Variants in DYM observed in about 807,000 individuals in gnomAD.
The protein encoded by DYM is dymeclin.
Under a neutral mutation model 93.1 loss-of-function variants are expected in DYM, and 78 were observed. The observed-to-expected ratio is 0.84, with a 90% CI of 0.70 to 1.01. DYM has a LOEUF of 1.01. Ranked by LOEUF, DYM falls within the 50% of genes least tolerant of loss-of-function variation. The pLI is 0.00. For missense variants in DYM, 789 were observed against 845.0 expected (o/e 0.93, Z 0.82); for synonymous variants, 321 against 319.7 (o/e 1.00, Z -0.04).
At chr18:49,081,356 C>T (rs1473024315) in intron 17 of DYM, among the ~76,000 whole-genome samples, 2 of 151,794 alleles carry the variant, frequency 1.3e-5, no homozygotes, top group Admixed American at 6.6e-5. Flanking sequence ...GTACGAAAAC[C>T]AGTCAGGCGT....
At chr18:49,080,130 T>A in intron 17 of DYM, among the ~76,000 whole-genome samples, 1 of 23,892 alleles carries the variant, frequency 4.2e-5, no homozygotes, top group African/African-American at 2.0e-4. Flanking sequence ...CCCACCTCCC[T>A]CCCGGACGGG....
At chr18:49,326,645 G>C (rs936095467) in intron 8 of DYM, among the ~76,000 whole-genome samples, 18 of 152,188 alleles carry the variant, frequency 1.2e-4, no homozygotes, top group African/African-American at 4.3e-4. Flanking sequence ...ACAGAAGGAA[G>C]AGAGGTGGAT....
chr18:49,189,726 G>A lies in DYM; in HGVS notation c.1625+19825C>T, dbSNP rs1342386219. On this transcript the variant is annotated intron_variant, in intron 14 of 17. Coordinates refer to ENST00000675505, the MANE Select transcript of DYM (RefSeq NM_001353214.3). ...TTACTGTATATAGAGTCAATGCACAGGTTATTAATATCAGTAATAAAGCCA... is the reference window on the plus strand; with the variant it reads ...TTACTGTATATAGAGTCAATGCACAAGTTATTAATATCAGTAATAAAGCCA... Among the ~76,000 whole-genome samples the A allele has an allele frequency of 2.0e-5, 3 of 152,112 alleles. No homozygotes were observed. The East Asian group carries it at 5.8e-4, about 29-fold the overall frequency.
At chr18:49,419,792 T>G (rs553560021) in intron 2 of DYM, among the ~76,000 whole-genome samples, 1 of 152,242 alleles carries the variant, frequency 6.6e-6, no homozygotes, top group Non-Finnish European at 1.5e-5. Flanking sequence ...TTTAGTTAAG[T>G]CTACTTTAGT....
intron 17 of DYM, among the ~76,000 whole-genome samples, chr18:49,086,422 T>A (rs2078531933): frequency 6.6e-6 from 1 of 152,122 alleles, no homozygotes; most frequent in Non-Finnish European, 1.5e-5. Flanking sequence ...ATTAATCTAG[T>A]CACAAGAGCA....
chr18:49,074,669 G>A (rs1988261723), intron 17 of DYM, among the ~76,000 whole-genome samples: 1 of 152,168 alleles, frequency 6.6e-6, no homozygotes, highest in African/African-American at 2.4e-5. Flanking sequence ...GTTATTTAGA[G>A]GATACTCATC....
chr18:49,420,725 A>G (rs2073587252), intron 2 of DYM, among the ~76,000 whole-genome samples: 1 of 152,078 alleles, frequency 6.6e-6, no homozygotes, highest in Admixed American at 6.5e-5. Flanking sequence ...GCAAGGCATC[A>G]CCTCACCAGG....
In DYM at chr18:49,041,035, G is replaced by C. The variant is rs2143990032; in HGVS notation, c.*3020C>G. ...GCTTTCCTTCCAGAGAGAACTGTGT[G>C]TGCAGTGTACTTTCTATGCTTCACC... On this transcript the variant is annotated 3_prime_UTR_variant, in exon 18 of 18. Transcript: ENST00000675505. Among the ~76,000 whole-genome samples, 1 of 152,272 alleles carries C rather than the reference G, an allele frequency of 6.6e-6. No individual in the cohort carries two copies. The highest frequency in any genetic ancestry group is 1.9e-4 in the East Asian group (1 of 5,190).
chr18:49,096,706 T>C (rs530439199), intron 17 of DYM, among the ~76,000 whole-genome samples: 60 of 152,334 alleles, frequency 3.9e-4, no homozygotes, highest in Non-Finnish European at 1.3e-4. Flanking sequence ...GTGAGACTGC[T>C]TCAGGAATAC....
At chr18:49,236,715 T>C (rs906147539) in intron 13 of DYM, among the ~76,000 whole-genome samples, 2 of 151,868 alleles carry the variant, frequency 1.3e-5, no homozygotes. Flanking sequence ...CGTAAGTAAA[T>C]AGGAAAATGT....
intron 13 of DYM, among the ~76,000 whole-genome samples, chr18:49,249,359 T>C (rs192808972): frequency 5.3e-4 from 81 of 152,262 alleles, no homozygotes; most frequent in African/African-American, 1.9e-3. Context: ...ATATATTATG[T>C]TATTACATAT....
In DYM at chr18:49,282,167, G is replaced by A; in HGVS notation, c.955C>T (p.Pro319Ser). ...MSFKNTQDSS[P>S]FPSSIPHAFQ... is the part of the protein sequence containing the mutation. ...GCATGTGGAATTGATGAGGGGAAAG[G>A]ACTGCTATCTGGAATACAGAAAACA... The change falls in exon 10 of 18, where the codon CCT becomes TCT. Residue 319 changes from proline to serine, a missense_variant. Transcript: ENST00000675505. 1.2e-6 allele frequency: 2 copies of A among 1,613,704 alleles called. No individual in the cohort carries two copies. Among genetic ancestry groups the A allele is most frequent in the Non-Finnish European group, 1.7e-6 (2 of 1,179,732 alleles).
intron 8 of DYM, among the ~76,000 whole-genome samples, chr18:49,301,444 C>T (rs1307463861): frequency 6.6e-6 from 1 of 151,434 alleles, no homozygotes; most frequent in Non-Finnish European, 1.5e-5. Flanking sequence ...TGGCATGAAC[C>T]CGGGAGGCGG....
chr18:49,104,654 A>C (rs1193485614), intron 16 of DYM, among the ~76,000 whole-genome samples: 1 of 152,198 alleles, frequency 6.6e-6, no homozygotes, highest in Non-Finnish European at 1.5e-5. Context: ...CCTTTTATGC[A>C]TCTATTGAGA....
chr18:49,323,890 G>T (rs2062690458), intron 8 of DYM, among the ~76,000 whole-genome samples: 1 of 152,148 alleles, frequency 6.6e-6, no homozygotes, highest in South Asian at 2.1e-4. Context: ...GCTGATGCCT[G>T]TAATTCCAGC....
At chr18:49,375,885 C>A (rs990511887) in intron 5 of DYM, among the ~76,000 whole-genome samples, 4 of 152,146 alleles carry the variant, frequency 2.6e-5, no homozygotes, top group African/African-American at 9.7e-5. Flanking sequence ...AGTCTCCTGG[C>A]CTTCATCTTT....
intron 10 of DYM, among the ~76,000 whole-genome samples, chr18:49,278,699 C>T (rs1240302609): frequency 6.6e-6 from 1 of 152,048 alleles, no homozygotes; most frequent in Admixed American, 6.6e-5. Context: ...GGCCACCTGC[C>T]TCCCCACTTG....
chr18:49,242,881 T>C (rs753839106), intron 13 of DYM, among the ~76,000 whole-genome samples: 13 of 152,210 alleles, frequency 8.5e-5, no homozygotes, highest in Non-Finnish European at 1.5e-4. Context: ...TTTGTATTTT[T>C]AGTAGAGACG....
chr18:49,128,342 C>G (rs961529178), intron 15 of DYM, among the ~76,000 whole-genome samples: 2 of 152,184 alleles, frequency 1.3e-5, no homozygotes, highest in Non-Finnish European at 2.9e-5. Flanking sequence ...AATGTTTTAC[C>G]TTAAGTATTA....
Sources: gnomAD v4.1 joint callset for allele counts (sites outside exome capture counted in the v4.1 genomes callset) on GRCh38, gnomAD v4.1.1 for gene constraint, MANE v1.5 for transcripts, NCBI Gene and HGNC (gene_info 2026-07-23, HGNC 2026-07-21) for gene names.